MCTP1: variants seen among roughly 807,000 people sequenced by gnomAD.
The protein encoded by MCTP1 is multiple C2 and transmembrane domain-containing protein 1.
In MCTP1, 69 loss-of-function variants were observed where a neutral mutation model predicts 120.6. That is an observed-to-expected ratio of 0.57 (90% confidence interval 0.47 to 0.70). MCTP1 has a LOEUF of 0.70. MCTP1 is among the 30% of genes least tolerant of loss of function. The pLI, the probability that MCTP1 is intolerant of heterozygous loss-of-function variation, is 0.00. For synonymous variants in MCTP1, 529 were observed against 493.1 expected (o/e 1.07, Z -0.96); for missense variants, 1,203 against 1,248.8 (o/e 0.96, Z 0.55).
At chr5:94,922,536 T>A (rs889821558) in intron 7 of MCTP1, among the ~76,000 whole-genome samples, 1 of 151,604 alleles carries the variant, frequency 6.6e-6, no homozygotes, top group Non-Finnish European at 1.5e-5. Context: ...TTGCCCAGGC[T>A]GGTGTGCAAT....
chr5:94,955,752 G>T (rs11135416), intron 2 of MCTP1, among the ~76,000 whole-genome samples: 28 of 152,244 alleles, frequency 1.8e-4, no homozygotes, highest in African/African-American at 5.5e-4. Flanking sequence ...CTGGAAGAAA[G>T]GCAGCAGCCA....
intron 1 of MCTP1, among the ~76,000 whole-genome samples, chr5:95,069,700 CTTT>C (rs35136173): frequency 4.3e-5 from 6 of 138,190 alleles, no homozygotes; most frequent in African/African-American, 8.1e-5. Flanking sequence ...CCCTTCTGCC[CTTT>C]TTTTTTTTTT....
At chr5:95,008,185 C>T (rs1285727949) in intron 2 of MCTP1, among the ~76,000 whole-genome samples, 2 of 152,098 alleles carry the variant, frequency 1.3e-5, no homozygotes, top group Non-Finnish European at 2.9e-5. Context: ...AAATAATGCT[C>T]CCATCAGCAC....
intron 1 of MCTP1, among the ~76,000 whole-genome samples, chr5:95,241,960 TA>T (rs1196908556): frequency 6.6e-6 from 1 of 151,742 alleles, no homozygotes; most frequent in Non-Finnish European, 1.5e-5. Context: ...GCAAAGAAAA[TA>T]AAAATATAAA....
At chr5:94,853,299 G>T (rs1442840201) in intron 17 of MCTP1, among the ~76,000 whole-genome samples, 1 of 151,968 alleles carries the variant, frequency 6.6e-6, no homozygotes, top group African/African-American at 2.4e-5. Context: ...GACTTGGTCA[G>T]CAAGGATGGA....
At chr5:94,822,258 G>A (rs1428481859) in intron 17 of MCTP1, among the ~76,000 whole-genome samples, 1 of 152,012 alleles carries the variant, frequency 6.6e-6, no homozygotes, top group Admixed American at 6.6e-5. Flanking sequence ...CCCTCCCTGT[G>A]CCCATATGTT....
At chr5:94,713,278 C>T (rs927366490) in intron 20 of MCTP1, among the ~76,000 whole-genome samples, 1 of 151,956 alleles carries the variant, frequency 6.6e-6, no homozygotes, top group Non-Finnish European at 1.5e-5. Flanking sequence ...ACTCACTGGC[C>T]CCTGTGCCAT....
intron 1 of MCTP1, among the ~76,000 whole-genome samples, chr5:95,231,634 T>C (rs1754957400): frequency 1.3e-5 from 2 of 152,142 alleles, no homozygotes; most frequent in African/African-American, 4.8e-5. Context: ...TAATATCAGA[T>C]GGAAGTACAG....
intron 1 of MCTP1, among the ~76,000 whole-genome samples, chr5:95,268,468 G>A (rs912049562): frequency 1.3e-5 from 2 of 152,168 alleles, no homozygotes; most frequent in African/African-American, 4.8e-5. Flanking sequence ...GATCGATCAA[G>A]GTGGTGGGAG....
intron 6 of MCTP1, chr5:94,931,203 G>A (rs1386990670): frequency 6.6e-6 from 1 of 152,064 alleles, no homozygotes; most frequent in East Asian, 1.9e-4. Context: ...AGACTGTCAT[G>A]TTCCAGGGTC....
At chr5:94,910,128 A>G (rs1808061120) in intron 9 of MCTP1, among the ~76,000 whole-genome samples, 2 of 145,858 alleles carry the variant, frequency 1.4e-5, no homozygotes, top group Admixed American at 6.9e-5. Flanking sequence ...ATGTATGTAT[A>G]CATGTATATA....
At chr5:94,734,634 T>A (rs1763807945) in intron 19 of MCTP1, among the ~76,000 whole-genome samples, 2 of 152,176 alleles carry the variant, frequency 1.3e-5, no homozygotes, top group Non-Finnish European at 2.9e-5. Context: ...TTTTTGTACA[T>A]TTTGGAGAGA....
intron 1 of MCTP1, among the ~76,000 whole-genome samples, chr5:95,153,231 T>C (rs892969961): frequency 1.3e-5 from 2 of 152,130 alleles, no homozygotes; most frequent in African/African-American, 4.8e-5. Context: ...ATGTTTGGCA[T>C]TCCCCCCGAC....
chr5:95,014,130 G>A (rs556360700), intron 2 of MCTP1, among the ~76,000 whole-genome samples: 3 of 152,168 alleles, frequency 2.0e-5, no homozygotes, highest in African/African-American at 4.8e-5. Flanking sequence ...CGGGCATGGC[G>A]ACACAAACTT....
intron 19 of MCTP1, among the ~76,000 whole-genome samples, chr5:94,755,366 C>T (rs905883328): frequency 2.0e-5 from 3 of 152,128 alleles, no homozygotes; most frequent in African/African-American, 7.2e-5. Context: ...AGTATTAATA[C>T]TAAAATGAGC....
At chr5:94,751,731 C>T (rs528132252) in intron 19 of MCTP1, among the ~76,000 whole-genome samples, 6 of 152,064 alleles carry the variant, frequency 3.9e-5, no homozygotes, top group Admixed American at 2.0e-4. Context: ...TCCTTGATTG[C>T]GCACAATGCT....
At chr5:95,253,434 A>G (rs913930534) in intron 1 of MCTP1, among the ~76,000 whole-genome samples, 3 of 152,150 alleles carry the variant, frequency 2.0e-5, no homozygotes, top group African/African-American at 7.2e-5. Flanking sequence ...CATGACATAC[A>G]CTAGTTTACA....
chr5:95,041,232 GGTT>G (rs1296190035), intron 1 of MCTP1, among the ~76,000 whole-genome samples: 1 of 150,308 alleles, frequency 6.7e-6, no homozygotes, highest in Admixed American at 6.7e-5. Context: ...AGATTAGAGA[GGTT>G]GTATAACTTC....
chr5:94,918,872 T>C (rs1284701865), intron 7 of MCTP1, among the ~76,000 whole-genome samples: 2 of 152,122 alleles, frequency 1.3e-5, no homozygotes, highest in Non-Finnish European at 2.9e-5. Context: ...TTAAGGTAAA[T>C]AAACTGAGGC....
Sources: allele counts gnomAD v4.1 joint callset (sites outside exome capture counted in the v4.1 genomes callset), GRCh38; gene constraint gnomAD v4.1.1; transcripts MANE v1.5; gene names NCBI Gene and HGNC (gene_info 2026-07-23, HGNC 2026-07-21).